Variants in MZT2B observed in about 807,000 individuals in gnomAD.
MZT2B encodes mitotic-spindle organizing protein 2B.
MZT2B carries 11 observed loss-of-function variants against 12.1 expected under a neutral mutation model. The ratio of observed to expected loss-of-function variants is 0.91; its 90% CI spans 0.57 to 1.50. The LOEUF is 1.50. MZT2B is among the 40% of genes most tolerant of loss of function. MZT2B has a pLI of 0.00. For missense variants in MZT2B, 209 were observed against 227.7 expected, an observed-to-expected ratio of 0.92 and a Z score of 0.53; for synonymous variants, 85 against 109.5, an observed-to-expected ratio of 0.78 and a Z score of 1.40.
chr2:130,190,917 G>A (rs559849302), downstream of MZT2B, among the ~76,000 whole-genome samples: 9 of 152,144 alleles, frequency 5.9e-5, no homozygotes, highest in South Asian at 8.3e-4. Context: ...ATAAATAGAC[G>A]TCAACAAGCT....
the MZT2B span, among the ~76,000 whole-genome samples, chr2:130,202,755 G>GC: frequency 6.6e-6 from 1 of 152,158 alleles, no homozygotes; most frequent in East Asian, 1.9e-4. Context: ...AACTCCCCCA[G>GC]CCCCGCCCAT....
chr2:130,198,174 G>A, the MZT2B span, among the ~76,000 whole-genome samples: 1 of 123,052 alleles, frequency 8.1e-6, no homozygotes, highest in Non-Finnish European at 1.8e-5. Flanking sequence ...AACAAAAGCC[G>A]CCGTCCCTGC....
chr2:130,185,085 G>T (rs372281236), intron 2 of MZT2B, among the ~76,000 whole-genome samples: 1 of 152,132 alleles, frequency 6.6e-6, no homozygotes, highest in African/African-American at 2.4e-5. Flanking sequence ...CGAGGCGGGC[G>T]GATCTCGAGG....
the MZT2B span, among the ~76,000 whole-genome samples, chr2:130,200,900 A>G: frequency 6.6e-6 from 1 of 152,168 alleles, no homozygotes; most frequent in Non-Finnish European, 1.5e-5. Context: ...TGAGTCTTCC[A>G]TCCCTAAAGA....
At chr2:130,200,235 C>CA in the MZT2B span, among the ~76,000 whole-genome samples, 1 of 151,934 alleles carries the variant, frequency 6.6e-6, no homozygotes, top group Non-Finnish European at 1.5e-5. Context: ...ACTAAAAATA[C>CA]AAAAAATTAG....
At chr2:130,183,361 C>T (rs1213984515) in intron 2 of MZT2B, among the ~76,000 whole-genome samples, 3 of 152,194 alleles carry the variant, frequency 2.0e-5, no homozygotes, top group Non-Finnish European at 4.4e-5. Flanking sequence ...CCTCTGATGA[C>T]TGCAGGAAGA....
chr2:130,186,429 A>G (rs1163946536), intron 2 of MZT2B, among the ~76,000 whole-genome samples: 3 of 152,216 alleles, frequency 2.0e-5, no homozygotes, highest in Non-Finnish European at 4.4e-5. Context: ...TGAGGGAAAA[A>G]TAAATTCAGT....
intron 2 of MZT2B, among the ~76,000 whole-genome samples, chr2:130,189,101 A>G (rs10208435): frequency 0.017 from 2,530 of 152,188 alleles, 55 homozygotes; most frequent in African/African-American, 0.056. Context: ...TGGGATTCCA[A>G]AGGAAGAAAC....
rs1376637459 is a variant in MZT2B, at chr2:130,182,344, C to T, written c.62C>T (p.Ala21Val). Reference protein sequence around the residue: ...GSAAPPGLEAARQKLALRRKK... With the variant: ...GSAAPPGLEAVRQKLALRRKK... ...GCGGCGCCCCCGGGGCTGGAGGCGG[C>T]CCGGCAGAAGCTGGCGCTGCGGCGG... is the stretch of plus-strand genomic sequence containing the variant. Residue 21 changes from alanine to valine, a missense_variant, in exon 1 of 3, where the codon GCC (alanine) becomes GTC (valine). Ala to Val is a moderately conservative substitution (Grantham distance 64). Transcript: ENST00000281871. The T allele has an allele frequency of 3.9e-6, 6 of 1,531,640 alleles. No individual in the cohort carries two copies. The highest frequency in any genetic ancestry group is 2.4e-5 in the South Asian group (2 of 83,412). 94.9% of individuals were successfully genotyped at this position (1,531,640 alleles called of 1,614,324 possible).
the MZT2B span, chr2:130,202,500 C>T: frequency 1.7e-5 from 21 of 1,267,740 alleles, no homozygotes; most frequent in Non-Finnish European, 2.1e-5. Context: ...TTGTAAGGTT[C>T]ATTTCATACA....
chr2:130,184,608 C>T (rs1371626711), intron 2 of MZT2B: 4 of 985,378 alleles, frequency 4.1e-6, no homozygotes, highest in East Asian at 2.3e-4. Context: ...CCACCCAGAG[C>T]TCGGACCCAA....
At chr2:130,183,281 G>C (rs762205718) in intron 2 of MZT2B, 3 of 272,446 alleles carry the variant, frequency 1.1e-5, no homozygotes, top group South Asian at 4.1e-5. Context: ...GGCAGGCAGA[G>C]GTCTTCCTGC....
the MZT2B span, chr2:130,204,158 T>C: frequency 1.1e-5 from 14 of 1,234,874 alleles, no homozygotes; most frequent in Non-Finnish European, 1.5e-5. Flanking sequence ...CATCTGTAAT[T>C]TTTTTTTCAG....
At chr2:130,184,630 G>A in intron 2 of MZT2B, 1 of 985,428 alleles carries the variant, frequency 1.0e-6, no homozygotes, top group Non-Finnish European at 1.2e-6. Flanking sequence ...GGAGGGTGGA[G>A]AGGGGCTGAG....
At chr2:130,196,641 T>G in the MZT2B span, among the ~76,000 whole-genome samples, 10 of 152,154 alleles carry the variant, frequency 6.6e-5, no homozygotes, top group Non-Finnish European at 1.3e-4. Flanking sequence ...TGGAAGCCAT[T>G]TAATGTCAAT....
At chr2:130,192,865 G>A (rs1359578837), downstream of MZT2B, among the ~76,000 whole-genome samples, 3 of 152,142 alleles carry the variant, frequency 2.0e-5, no homozygotes, top group African/African-American at 4.8e-5. Flanking sequence ...GGAGACAGGC[G>A]GGCAGATCAC....
chr2:130,185,582 C>T (rs1323098866), intron 2 of MZT2B, among the ~76,000 whole-genome samples: 1 of 109,222 alleles, frequency 9.2e-6, no homozygotes, highest in Non-Finnish European at 1.9e-5. Context: ...AGGGTTACAG[C>T]AGGAGGGGGG....
chr2:130,192,575 TGCAAAG>T (rs1690292796), downstream of MZT2B, among the ~76,000 whole-genome samples: 1 of 152,196 alleles, frequency 6.6e-6, no homozygotes, highest in Admixed American at 6.5e-5. Flanking sequence ...ACTGTGGATA[TGCAAAG>T]GTAGCAGATC....
At position 130,190,688 on chromosome 2, in the gene MZT2B, T is replaced by C. The variant is rs192701762; in HGVS notation, c.*62T>C. 8.1e-4 allele frequency: 1,256 copies of C among 1,554,516 alleles called. 1 individual carries two copies. The highest frequency in any genetic ancestry group is 1.0e-3 in the Non-Finnish European group (1,147 of 1,146,090). On this transcript the variant is annotated 3_prime_UTR_variant, in exon 3 of 3. Coordinates refer to ENST00000281871, the MANE Select transcript of MZT2B (RefSeq NM_025029.5). ...AAAGGCTACATGTTACCTCCTTCAA[T>C]TGATAATAAACCTTTCTGAGATGCA...
Sources: gnomAD v4.1 joint callset for allele counts (sites outside exome capture counted in the v4.1 genomes callset) on GRCh38, gnomAD v4.1.1 for gene constraint, MANE v1.5 for transcripts, NCBI Gene and HGNC (gene_info 2026-07-23, HGNC 2026-07-21) for gene names.